Variants in SBNO1 observed in about 807,000 individuals in gnomAD.
SBNO1 encodes the protein strawberry notch homolog 1.
Under a neutral mutation model 173.6 loss-of-function variants are expected in SBNO1, and 23 were observed. The observed-to-expected ratio is 0.13, with a 90% CI of 0.10 to 0.19. The LOEUF (loss-of-function observed/expected upper bound fraction) is 0.19. Ranked by LOEUF, SBNO1 falls within the 10% of genes least tolerant of loss-of-function variation. The pLI is 1.00. For synonymous variants in SBNO1, 632 were observed against 571.5 expected (o/e 1.11, Z -1.51); for missense variants, 1,238 against 1,671.2 (o/e 0.74, Z 4.52).
At chr12:123,318,804 T>C (rs982143688) in intron 20 of SBNO1, among the ~76,000 whole-genome samples, 1 of 151,518 alleles carries the variant, frequency 6.6e-6, no homozygotes, top group African/African-American at 2.4e-5. Context: ...TATGGGAATG[T>C]AATCTGTAAG....
intron 16 of SBNO1, among the ~76,000 whole-genome samples, chr12:123,322,210 G>A (rs754671806): frequency 6.0e-4 from 91 of 152,260 alleles, no homozygotes; most frequent in African/African-American, 2.1e-3. Flanking sequence ...ATAGCTCACT[G>A]CAGCCTCGAC....
intron 16 of SBNO1, among the ~76,000 whole-genome samples, chr12:123,322,811 C>T (rs1870142002): frequency 6.7e-6 from 1 of 150,232 alleles, no homozygotes; most frequent in South Asian, 2.1e-4. Context: ...ACCCAGGAGG[C>T]AGAGGTTGCA....
At chr12:123,342,939 C>T (rs960916488) in intron 4 of SBNO1, among the ~76,000 whole-genome samples, 3 of 152,166 alleles carry the variant, frequency 2.0e-5, no homozygotes, top group Non-Finnish European at 4.4e-5. Flanking sequence ...GACTCCAAAA[C>T]GAGTACAACT....
In SBNO1 at chr12:123,309,301, A is replaced by C; in HGVS notation, c.3630+9T>G. ...TATATCTGAATAGAATTTAAAGGAA[A>C]AGTCGTACTTGCAATGACAAGTAAA... On this transcript the variant is annotated intron_variant, in intron 28 of 31. Transcript: ENST00000602398. 4 of 1,605,916 alleles carry C rather than the reference A, an allele frequency of 2.5e-6. No homozygotes were observed. Among genetic ancestry groups the C allele is most frequent in the Non-Finnish European group, 3.4e-6 (4 of 1,172,594 alleles).
intron 6 of SBNO1, among the ~76,000 whole-genome samples, chr12:123,335,252 A>G (rs1871700140): frequency 6.6e-6 from 1 of 152,242 alleles, no homozygotes; most frequent in Non-Finnish European, 1.5e-5. Context: ...CAGCCTGGCC[A>G]ACACGGTGAA....
At chr12:123,352,345 CTT>C (rs1465731734) in intron 1 of SBNO1, among the ~76,000 whole-genome samples, 1 of 152,246 alleles carries the variant, frequency 6.6e-6, no homozygotes, top group Non-Finnish European at 1.5e-5. Context: ...CAGTTTCGCT[CTT>C]GTTGCCCAAG....
intron 1 of SBNO1, among the ~76,000 whole-genome samples, chr12:123,351,825 T>A (rs903345111): frequency 2.0e-5 from 3 of 152,090 alleles, no homozygotes; most frequent in African/African-American, 7.2e-5. Context: ...CACATTTAGC[T>A]TAAATACAAA....
At chr12:123,330,710 AGG>A in intron 8 of SBNO1, among the ~76,000 whole-genome samples, 1 of 152,014 alleles carries the variant, frequency 6.6e-6, no homozygotes. Flanking sequence ...CTAAGGCAGG[AGG>A]ACTGCTTGAG....
In SBNO1 at chr12:123,345,203, A is replaced by T; in HGVS notation, c.550+55T>A. On this transcript the variant is annotated intron_variant, in intron 4 of 31. Coordinates refer to ENST00000602398, the MANE Select transcript of SBNO1 (RefSeq NM_001167856.3). ...ACCCAAGCAAATCGTTTAAAAAAACATGCTGACATAGCTTACCAGAGAGAG... is the reference window on the plus strand; with the variant it reads ...ACCCAAGCAAATCGTTTAAAAAAACTTGCTGACATAGCTTACCAGAGAGAG... 4 of 1,435,044 alleles carry T rather than the reference A, an allele frequency of 2.8e-6. No individual in the cohort carries two copies. The South Asian group carries it at 3.8e-5, about 14-fold the overall frequency. 88.9% of individuals were successfully genotyped at this position (1,435,044 alleles called of 1,614,324 possible).
chr12:123,351,646 T>C (rs574816462), intron 1 of SBNO1, among the ~76,000 whole-genome samples: 7 of 151,858 alleles, frequency 4.6e-5, no homozygotes, highest in African/African-American at 1.7e-4. Flanking sequence ...AATAGAAGGA[T>C]TACTCAACAG....
Position 123,342,035 on chromosome 12 carries a change from G to A in SBNO1, c.551-947C>T, listed in dbSNP as rs183783299. Among the ~76,000 whole-genome samples, 518 of 149,276 alleles carry A rather than the reference G, an allele frequency of 3.5e-3. 1 individual carries two copies. Among genetic ancestry groups the A allele is most frequent in the African/African-American group, 0.012 (501 of 40,732 alleles). On this transcript the variant is annotated intron_variant, in intron 4 of 31. Coordinates refer to ENST00000602398, the MANE Select transcript of SBNO1 (RefSeq NM_001167856.3). ...TAAAAATAAACAAGGCCGGCGCAGT[G>A]GCTCACGCCTGTAATCCCAGCACTT...
At position 123,350,436 on chromosome 12, in the gene SBNO1, C is replaced by T. The variant is rs755082220; in HGVS notation, c.6G>A (p.Val2=). Residue 2 remains valine (V), a synonymous_variant, in exon 2 of 32, where the codon GTG becomes GTA. Transcript: ENST00000602398. M[V]EPGQDLLLAA... is the part of the protein sequence containing the mutation. Reference sequence around the variant, plus strand: ...CAAGCAGTAAATCTTGCCCTGGCTCCACCATCTTTAAAGGGAAATATTAAA... The same window carrying T: ...CAAGCAGTAAATCTTGCCCTGGCTCTACCATCTTTAAAGGGAAATATTAAA... 1 of 1,612,930 alleles carries T rather than the reference C, an allele frequency of 6.2e-7. No individual in the cohort carries two copies. Among genetic ancestry groups the T allele is most frequent in the Non-Finnish European group, 8.5e-7 (1 of 1,178,998 alleles).
intron 4 of SBNO1, among the ~76,000 whole-genome samples, chr12:123,343,772 G>A (rs1043685262): frequency 3.3e-5 from 5 of 151,962 alleles, no homozygotes; most frequent in Non-Finnish European, 5.9e-5. Context: ...TCCTGACCTC[G>A]TGATCCACCC....
At position 123,315,333 on chromosome 12, in the gene SBNO1, C is replaced by G. The variant is rs541770993; in HGVS notation, c.3120+40G>C. ...TTGTGTTCCCGAAAGACACCATACA[C>G]TATCACAAGTTTTCAGAGATACTGA... is the stretch of plus-strand genomic sequence containing the variant. On this transcript the variant is annotated intron_variant, in intron 23 of 31. Coordinates refer to ENST00000602398, the MANE Select transcript of SBNO1 (RefSeq NM_001167856.3). 2.2e-5 allele frequency: 32 copies of G among 1,472,256 alleles called. No individual in the cohort carries two copies. In the East Asian group the frequency reaches 2.7e-4, roughly 13 times the overall value. The allele number at this position is 1,472,256 out of a possible 1,614,324, so 91.2% of individuals were successfully genotyped here.
In SBNO1 at chr12:123,341,012, C is replaced by T. The variant is rs12322888; in HGVS notation, c.627G>A (p.Lys209=). The T allele has an allele frequency of 0.21, 340,596 of 1,592,954 alleles. 40,383 individuals carry two copies. Among genetic ancestry groups the T allele is most frequent in the African/African-American group, 0.45 (32,999 of 73,898 alleles). ...EGARMWINDM[K]MRSFSPTMKV... is the part of the protein sequence containing the mutation. ...CCATGGTTGGGGAAAAACTCCTCAT[C>T]TTCATGTCGTTTATCCACATTCTAG... Residue 209 remains lysine (K), a synonymous_variant, in exon 5 of 32, where the codon AAG becomes AAA. Transcript: ENST00000602398.
At chr12:123,302,934 T>G (rs1485655823) in intron 29 of SBNO1, 34 bp from the exon 30 acceptor site, 1 of 1,513,634 alleles carries the variant, frequency 6.6e-7, no homozygotes. Context: ...TTGAAAACAG[T>G]ATTGCTTTAA....
intron 30 of SBNO1, among the ~76,000 whole-genome samples, chr12:123,301,485 AT>A (rs1288577754): frequency 1.3e-5 from 2 of 152,180 alleles, no homozygotes; most frequent in Admixed American, 6.5e-5. Context: ...TACATCTCAT[AT>A]TCCTTTTCAT....
chr12:123,361,169 G>C (rs1491004341), intron 1 of SBNO1, among the ~76,000 whole-genome samples: 2 of 151,992 alleles, frequency 1.3e-5, no homozygotes, highest in East Asian at 1.9e-4. Context: ...GCTTGAACCT[G>C]GGAGGTGGAG....
intron 4 of SBNO1, 111 bp from the exon 5 acceptor site, chr12:123,341,199 C>G: frequency 1.6e-6 from 1 of 617,920 alleles, no homozygotes; most frequent in Non-Finnish European, 2.7e-6. Context: ...CCTGTAATCC[C>G]AGCATTTTTG....
Sources: gnomAD v4.1 joint callset for allele counts (sites outside exome capture counted in the v4.1 genomes callset) on GRCh38, gnomAD v4.1.1 for gene constraint, MANE v1.5 for transcripts, NCBI Gene and HGNC (gene_info 2026-07-23, HGNC 2026-07-21) for gene names.